The following CACNA2D3 variants were observed in gnomAD, a reference collection of about 807,000 sequenced individuals.
CACNA2D3 encodes the protein voltage-dependent calcium channel subunit alpha-2/delta-3.
Under a neutral mutation model 160.6 loss-of-function variants are expected in CACNA2D3, and 60 were observed. The observed-to-expected ratio is 0.37, with a 90% CI of 0.30 to 0.46. The LOEUF (loss-of-function observed/expected upper bound fraction) is 0.46. Among genes scored for constraint, CACNA2D3 ranks in the 20% least tolerant of loss-of-function variants. The pLI, the probability that CACNA2D3 is intolerant of heterozygous loss-of-function variation, is 1.00. For missense variants in CACNA2D3, 1,205 were observed against 1,365.0 expected (o/e 0.88, Z 1.85); for synonymous variants, 558 against 492.9 (o/e 1.13, Z -1.75).
At chr3:54,615,129 T>C (rs1030546050) in intron 9 of CACNA2D3, among the ~76,000 whole-genome samples, 3 of 152,180 alleles carry the variant, frequency 2.0e-5, no homozygotes, top group Non-Finnish European at 4.4e-5. Context: ...TTCGCAGAAA[T>C]TGGTTATCTA....
At chr3:54,732,565 A>G (rs1701412067) in intron 11 of CACNA2D3, among the ~76,000 whole-genome samples, 1 of 152,238 alleles carries the variant, frequency 6.6e-6, no homozygotes, top group African/African-American at 2.4e-5. Context: ...TAGCAATGGA[A>G]GGTCATATTA....
At chr3:54,271,783 G>C (rs1314732423) in intron 2 of CACNA2D3, among the ~76,000 whole-genome samples, 6 of 152,168 alleles carry the variant, frequency 3.9e-5, no homozygotes, top group African/African-American at 1.4e-4. Context: ...CTGGTGCCCT[G>C]CTGTCACCTG....
intron 4 of CACNA2D3, among the ~76,000 whole-genome samples, chr3:54,468,897 C>T (rs1200100365): frequency 6.6e-6 from 1 of 152,172 alleles, no homozygotes; most frequent in Non-Finnish European, 1.5e-5. Context: ...CTGGGTACGA[C>T]ATCTCTGAAA....
chr3:54,464,097 A>G (rs925866232), intron 4 of CACNA2D3, among the ~76,000 whole-genome samples: 1 of 152,138 alleles, frequency 6.6e-6, no homozygotes, highest in Non-Finnish European at 1.5e-5. Flanking sequence ...TTTTTCATGA[A>G]CCACGAATGC....
chr3:54,665,925 C>T (rs1700062324), intron 11 of CACNA2D3, among the ~76,000 whole-genome samples: 1 of 152,042 alleles, frequency 6.6e-6, no homozygotes, highest in African/African-American at 2.4e-5. Context: ...CCTCAGCCTC[C>T]TGAGTAGCTG....
At chr3:54,673,007 T>G (rs1248716731) in intron 11 of CACNA2D3, among the ~76,000 whole-genome samples, 1 of 152,142 alleles carries the variant, frequency 6.6e-6, no homozygotes, top group African/African-American at 2.4e-5. Context: ...CATGCCAGCT[T>G]CTGTTGATGG....
chr3:54,667,792 T>C (rs1700092858), intron 11 of CACNA2D3, among the ~76,000 whole-genome samples: 1 of 151,948 alleles, frequency 6.6e-6, no homozygotes, highest in South Asian at 2.1e-4. Context: ...AAATAATTTT[T>C]TTTAAAAAGC....
intron 11 of CACNA2D3, among the ~76,000 whole-genome samples, chr3:54,656,759 C>A (rs144358582): frequency 1.3e-5 from 2 of 152,354 alleles, no homozygotes; most frequent in Admixed American, 6.5e-5. Flanking sequence ...CAGAAGCAGG[C>A]AGGCACCCTG....
At chr3:54,830,361 A>G (rs750535063) in intron 14 of CACNA2D3, among the ~76,000 whole-genome samples, 13 of 152,116 alleles carry the variant, frequency 8.5e-5, no homozygotes, top group East Asian at 1.9e-4. Flanking sequence ...TGTCAAGGCA[A>G]ATGTTATTAT....
rs368366455 is a variant in CACNA2D3 at position 54,599,983 on chromosome 3, G to A, written c.963+18106G>A. Among the ~76,000 whole-genome samples the A allele has an allele frequency of 3.3e-5, 5 of 152,254 alleles. No individual in the cohort carries two copies. In the South Asian group the frequency reaches 6.2e-4, roughly 19 times the overall value. On this transcript the variant is annotated intron_variant, in intron 9 of 37. Transcript: ENST00000474759. ...TGTTGTGCTGGCCAAGGGACCTGGC[G>A]GCATAAGTCTGCTGGCACAGCCTGT...
chr3:54,405,363 A>T (rs922445458), intron 4 of CACNA2D3, among the ~76,000 whole-genome samples: 2 of 152,058 alleles, frequency 1.3e-5, no homozygotes, highest in Non-Finnish European at 2.9e-5. Context: ...GTTACTGGCA[A>T]AAAGCAGACA....
chr3:54,713,419 C>G (rs1700990955), intron 11 of CACNA2D3, among the ~76,000 whole-genome samples: 1 of 152,182 alleles, frequency 6.6e-6, no homozygotes, highest in Non-Finnish European at 1.5e-5. Flanking sequence ...ACATTATCCT[C>G]ACATAAAAGT....
intron 3 of CACNA2D3, among the ~76,000 whole-genome samples, chr3:54,338,452 C>T (rs1192338293): frequency 6.9e-6 from 1 of 144,370 alleles, no homozygotes; most frequent in Admixed American, 7.1e-5. Context: ...TTATAGCTCT[C>T]TTCATCTCCC....
At chr3:54,469,021 C>T (rs971150776) in intron 4 of CACNA2D3, among the ~76,000 whole-genome samples, 5 of 152,182 alleles carry the variant, frequency 3.3e-5, no homozygotes, top group African/African-American at 9.7e-5. Flanking sequence ...TAAATGTTCC[C>T]GCCTGCCGGC....
At chr3:54,464,813 T>G (rs1700584120) in intron 4 of CACNA2D3, among the ~76,000 whole-genome samples, 3 of 152,226 alleles carry the variant, frequency 2.0e-5, no homozygotes, top group African/African-American at 4.8e-5. Flanking sequence ...CACTCCCTAG[T>G]GAGATGAACC....
At chr3:54,877,100 GGA>G (rs1441603719) in intron 18 of CACNA2D3, 2 of 152,158 alleles carry the variant, frequency 1.3e-5, no homozygotes, top group African/African-American at 4.8e-5. Flanking sequence ...GGGAGTTGGA[GGA>G]GAGGTCACAA....
At chr3:54,938,761 T>C (rs949283503) in intron 27 of CACNA2D3, among the ~76,000 whole-genome samples, 8 of 152,132 alleles carry the variant, frequency 5.3e-5, no homozygotes, top group African/African-American at 1.9e-4. Flanking sequence ...TTTGAGAGCA[T>C]GTTGAAAAAG....
intron 2 of CACNA2D3, among the ~76,000 whole-genome samples, chr3:54,178,202 C>T (rs1700711563): frequency 6.6e-6 from 1 of 152,228 alleles, no homozygotes; most frequent in Non-Finnish European, 1.5e-5. Flanking sequence ...GATGCTAAGA[C>T]TCAGGGTTAG....
intron 2 of CACNA2D3, among the ~76,000 whole-genome samples, chr3:54,164,257 C>G (rs1179725901): frequency 6.6e-6 from 1 of 152,318 alleles, no homozygotes; most frequent in Non-Finnish European, 1.5e-5. Flanking sequence ...CGTACCCCCT[C>G]TCCCCAAACC....
Sources: gnomAD v4.1 joint callset for allele counts (sites outside exome capture counted in the v4.1 genomes callset) on GRCh38, gnomAD v4.1.1 for gene constraint, MANE v1.5 for transcripts, NCBI Gene and HGNC (gene_info 2026-07-23, HGNC 2026-07-21) for gene names.